The following WDFY2 variants were observed in gnomAD, a reference collection of about 807,000 sequenced individuals.
WDFY2 encodes the protein WD repeat and FYVE domain-containing protein 2.
A neutral mutation model predicts 56.4 loss-of-function variants in WDFY2; 36 were observed. The observed-to-expected ratio is 0.64, with a 90% CI of 0.49 to 0.84. WDFY2 has a LOEUF of 0.84. WDFY2 is among the 40% of genes least tolerant of loss of function. The probability of loss-of-function intolerance (pLI) is 0.00; values close to 1 mark genes in which losing one functional copy is unlikely to be tolerated. For missense variants in WDFY2, 444 were observed against 512.2 expected, an observed-to-expected ratio of 0.87 and a Z score of 1.29; for synonymous variants, 176 against 183.7, an observed-to-expected ratio of 0.96 and a Z score of 0.34.
At chr13:51,661,908 G>A (rs1448300838) in intron 2 of WDFY2, among the ~76,000 whole-genome samples, 1 of 151,996 alleles carries the variant, frequency 6.6e-6, no homozygotes, top group Non-Finnish European at 1.5e-5. Flanking sequence ...GGTGATGAGG[G>A]TTTAGATAAA....
At chr13:51,603,369 G>T (rs1441345614) in intron 1 of WDFY2, among the ~76,000 whole-genome samples, 1 of 152,156 alleles carries the variant, frequency 6.6e-6, no homozygotes, top group Non-Finnish European at 1.5e-5. Context: ...GCCTGGTAGG[G>T]CCTGGAGCAG....
chr13:51,644,358 G>T (rs947475968), intron 1 of WDFY2, among the ~76,000 whole-genome samples: 2 of 152,064 alleles, frequency 1.3e-5, no homozygotes, highest in Non-Finnish European at 2.9e-5. Context: ...CCATTTCCAG[G>T]TATATTGTTT....
At chr13:51,721,408 G>A (rs1426325211) in intron 5 of WDFY2, among the ~76,000 whole-genome samples, 1 of 152,076 alleles carries the variant, frequency 6.6e-6, no homozygotes, top group Non-Finnish European at 1.5e-5. Context: ...GCCTCAGGAA[G>A]CTAACTTTTT....
At chr13:51,644,796 T>C (rs1199445155) in intron 1 of WDFY2, among the ~76,000 whole-genome samples, 1 of 152,186 alleles carries the variant, frequency 6.6e-6, no homozygotes, top group African/African-American at 2.4e-5. Flanking sequence ...ACTGAGCTCC[T>C]TGGCAAGAGG....
chr13:51,754,748 T>G (rs1277633050), intron 8 of WDFY2, among the ~76,000 whole-genome samples: 2 of 152,248 alleles, frequency 1.3e-5, no homozygotes, highest in Non-Finnish European at 2.9e-5. Context: ...AGGAGTTGTT[T>G]GTTACAAACT....
chr13:51,665,459 A>T (rs769278532), intron 2 of WDFY2, among the ~76,000 whole-genome samples: 3 of 152,250 alleles, frequency 2.0e-5, no homozygotes, highest in African/African-American at 7.2e-5. Flanking sequence ...GGATCACACT[A>T]TAGAGAAAAA....
At chr13:51,675,326 T>C in intron 3 of WDFY2, 83 bp downstream of exon 3, 1 of 1,296,494 alleles carries the variant, frequency 7.7e-7, no homozygotes, top group South Asian at 1.3e-5. Context: ...TTTTTTCAAG[T>C]TAACAGAAGA....
rs1465113924 is a variant in WDFY2, at chr13:51,727,698, A to T, written c.506A>T (p.His169Leu). ...GACAGATTTGATGTTGAAACCCGGC[A>T]TGTGTTTATCGGTGACCACTCAGGC... ...SGLQFDVETR[H>L]VFIGDHSGQV... is the part of the protein sequence containing the mutation. Residue 169 changes from histidine (H) to leucine (L), a missense_variant, in exon 6 of 12, where the codon CAT becomes CTT. Physicochemically the swap from His to Leu is moderately conservative, Grantham distance 99. Coordinates refer to ENST00000298125, the MANE Select transcript of WDFY2 (RefSeq NM_052950.4). 2 of 1,613,972 alleles carry T rather than the reference A, an allele frequency of 1.2e-6. No homozygotes were observed. The highest frequency in any genetic ancestry group is 3.3e-5 in the Admixed American group (2 of 59,942).
intron 1 of WDFY2, among the ~76,000 whole-genome samples, chr13:51,633,581 G>A (rs1168453289): frequency 3.9e-5 from 6 of 152,188 alleles, no homozygotes; most frequent in Non-Finnish European, 8.8e-5. Context: ...AATTATTCCT[G>A]TTAGCTCTTC....
intron 1 of WDFY2, among the ~76,000 whole-genome samples, chr13:51,608,742 A>G (rs1303281995): frequency 6.6e-6 from 1 of 152,194 alleles, no homozygotes; most frequent in Non-Finnish European, 1.5e-5. Flanking sequence ...AAGTAAGATT[A>G]TATCAGATAT....
At chr13:51,646,360 A>G (rs1308529991) in intron 1 of WDFY2, among the ~76,000 whole-genome samples, 1 of 152,188 alleles carries the variant, frequency 6.6e-6, no homozygotes, top group Non-Finnish European at 1.5e-5. Context: ...TTCACCCTGC[A>G]TTTCAGACAC....
chr13:51,667,879 CTTTTTT>C (rs66771214), intron 2 of WDFY2, among the ~76,000 whole-genome samples: 3 of 50,042 alleles, frequency 6.0e-5, no homozygotes, highest in African/African-American at 3.0e-4. Context: ...TGAGGAACTT[CTTTTTT>C]TTTTTTTTTT....
chr13:51,643,571 T>C (rs1955214618), intron 1 of WDFY2, among the ~76,000 whole-genome samples: 1 of 152,210 alleles, frequency 6.6e-6, no homozygotes, highest in African/African-American at 2.4e-5. Context: ...TCTCATATTG[T>C]TGAATTGCTT....
At chr13:51,594,871 T>G (rs1242187942) in intron 1 of WDFY2, among the ~76,000 whole-genome samples, 1 of 152,250 alleles carries the variant, frequency 6.6e-6, no homozygotes, top group Non-Finnish European at 1.5e-5. Context: ...TTTTATTTTT[T>G]GTTTATAACA....
intron 5 of WDFY2, 130 bp downstream of exon 5, chr13:51,719,478 C>T (rs1454596931): frequency 1.9e-6 from 2 of 1,074,350 alleles, no homozygotes; most frequent in South Asian, 1.7e-5. Context: ...TTACAATGCT[C>T]ATAGAATTTC....
intron 3 of WDFY2, among the ~76,000 whole-genome samples, chr13:51,691,336 C>T (rs1305075841): frequency 2.6e-5 from 4 of 151,388 alleles, no homozygotes; most frequent in South Asian, 2.1e-4. Flanking sequence ...TTAGGTCTAA[C>T]GTTTAAGTCT....
intron 7 of WDFY2, among the ~76,000 whole-genome samples, chr13:51,746,820 A>G (rs891219647): frequency 6.6e-6 from 1 of 152,238 alleles, no homozygotes; most frequent in African/African-American, 2.4e-5. Flanking sequence ...ATTCCAGACA[A>G]ATAACCACAA....
intron 1 of WDFY2, among the ~76,000 whole-genome samples, chr13:51,624,683 G>A (rs1954807370): frequency 6.6e-6 from 1 of 152,208 alleles, no homozygotes; most frequent in South Asian, 2.1e-4. Flanking sequence ...GAGAATGTAG[G>A]TATGAGTTGG....
intron 1 of WDFY2, among the ~76,000 whole-genome samples, chr13:51,628,322 A>T (rs1954878349): frequency 6.6e-6 from 1 of 152,228 alleles, no homozygotes; most frequent in Non-Finnish European, 1.5e-5. Flanking sequence ...TGCACACCCG[A>T]CCATGTCACG....
Sources: allele counts gnomAD v4.1 joint callset (sites outside exome capture counted in the v4.1 genomes callset), GRCh38; gene constraint gnomAD v4.1.1; transcripts MANE v1.5; gene names NCBI Gene and HGNC (gene_info 2026-07-23, HGNC 2026-07-21).